The following PIP5K1B variants were observed in gnomAD, a reference collection of about 807,000 sequenced individuals.
The protein encoded by PIP5K1B is phosphatidylinositol 4-phosphate 5-kinase type-1 beta.
Under a neutral mutation model 67.0 loss-of-function variants are expected in PIP5K1B, and 42 were observed. The ratio of observed to expected loss-of-function variants is 0.63; its 90% CI spans 0.49 to 0.81. PIP5K1B has a LOEUF of 0.81. Ranked by LOEUF, PIP5K1B falls within the 30% of genes least tolerant of loss-of-function variation. The pLI is 0.00. For missense variants in PIP5K1B, 459 were observed against 646.3 expected, an observed-to-expected ratio of 0.71 and a Z score of 3.14; for synonymous variants, 214 against 231.4, an observed-to-expected ratio of 0.92 and a Z score of 0.68.
At chr9:68,755,104 A>G (rs1053916517) in intron 2 of PIP5K1B, among the ~76,000 whole-genome samples, 1 of 152,252 alleles carries the variant, frequency 6.6e-6, no homozygotes, top group Non-Finnish European at 1.5e-5. Context: ...AGGAAAGTAG[A>G]TCAAACATTT....
intron 11 of PIP5K1B, among the ~76,000 whole-genome samples, chr9:68,921,403 T>C (rs1046424035): frequency 1.3e-5 from 2 of 152,172 alleles, no homozygotes; most frequent in Admixed American, 6.5e-5. Context: ...TAATGTTTCC[T>C]TCCAGCTGAG....
chr9:68,910,847 T>C (rs918594050), intron 8 of PIP5K1B, among the ~76,000 whole-genome samples: 2 of 152,216 alleles, frequency 1.3e-5, no homozygotes, highest in Non-Finnish European at 2.9e-5. Context: ...CATCAGAGTT[T>C]ACATCTTCAG....
intron 11 of PIP5K1B, among the ~76,000 whole-genome samples, chr9:68,921,386 G>A (rs1826394598): frequency 6.6e-6 from 1 of 152,124 alleles, no homozygotes; most frequent in Admixed American, 6.6e-5. Context: ...AATATGGTAG[G>A]TTAATTTAAT....
At chr9:68,878,227 ACTT>A (rs956129134) in intron 6 of PIP5K1B, among the ~76,000 whole-genome samples, 1 of 152,126 alleles carries the variant, frequency 6.6e-6, no homozygotes, top group African/African-American at 2.4e-5. Flanking sequence ...ATTTCCTTGA[ACTT>A]CTCACCAGCT....
At chr9:68,862,296 G>A (rs75111014) in intron 4 of PIP5K1B, among the ~76,000 whole-genome samples, 16,195 of 152,196 alleles carry the variant, frequency 0.11, 1,128 homozygotes, top group Non-Finnish European at 0.16. Context: ...CACTGCATTC[G>A]TGTTGACAGA....
intron 8 of PIP5K1B, among the ~76,000 whole-genome samples, chr9:68,912,858 T>G (rs17058884): frequency 0.066 from 10,012 of 152,230 alleles, 648 homozygotes; most frequent in East Asian, 0.37. Context: ...CCTTTAGTCA[T>G]GAAGAGAGGA....
intron 15 of PIP5K1B, among the ~76,000 whole-genome samples, chr9:69,007,276 A>G (rs1831125673): frequency 6.6e-6 from 1 of 152,162 alleles, no homozygotes. Flanking sequence ...CTTTTTACTC[A>G]AGTTTTTTCA....
At chr9:68,731,981 C>T (rs952579321) in intron 1 of PIP5K1B, among the ~76,000 whole-genome samples, 1 of 152,068 alleles carries the variant, frequency 6.6e-6, no homozygotes, top group Admixed American at 6.6e-5. Context: ...GAAGTAATGG[C>T]GTTGACTCTC....
intron 14 of PIP5K1B, among the ~76,000 whole-genome samples, chr9:68,978,468 A>C (rs1306563933): frequency 6.6e-6 from 1 of 152,194 alleles, no homozygotes; most frequent in Non-Finnish European, 1.5e-5. Context: ...TTAAGGATGA[A>C]TACTCTTCCT....
At chr9:68,805,037 T>C (rs4745277) in intron 2 of PIP5K1B, among the ~76,000 whole-genome samples, 148,504 of 152,340 alleles carry the variant, frequency 0.97, 72,483 homozygotes, top group East Asian at 1. Flanking sequence ...GCACAGCAGA[T>C]GAAGCATTGC....
chr9:68,903,667 A>G (rs1273980322), intron 8 of PIP5K1B, among the ~76,000 whole-genome samples: 2 of 152,162 alleles, frequency 1.3e-5, no homozygotes, highest in African/African-American at 4.8e-5. Flanking sequence ...GAACACAATA[A>G]TCCATGCAAG....
At chr9:68,754,312 G>A (rs1048291754) in intron 2 of PIP5K1B, among the ~76,000 whole-genome samples, 2 of 151,668 alleles carry the variant, frequency 1.3e-5, no homozygotes, top group Admixed American at 6.6e-5. Flanking sequence ...TGGGACTACA[G>A]GCGCCCGCCA....
intron 2 of PIP5K1B, among the ~76,000 whole-genome samples, chr9:68,778,567 C>T: frequency 6.6e-6 from 1 of 152,228 alleles, no homozygotes; most frequent in Non-Finnish European, 1.5e-5. Flanking sequence ...CTCTGCTTCT[C>T]CCCATTGACA....
intron 2 of PIP5K1B, among the ~76,000 whole-genome samples, chr9:68,776,183 G>A (rs1321879023): frequency 1.3e-5 from 2 of 152,068 alleles, no homozygotes; most frequent in African/African-American, 2.4e-5. Flanking sequence ...TGAGGTATTT[G>A]CCAGCCCATC....
intron 5 of PIP5K1B, among the ~76,000 whole-genome samples, chr9:68,865,745 C>A (rs1823324278): frequency 6.6e-6 from 1 of 152,178 alleles, no homozygotes. Context: ...GCTAGACATG[C>A]AGATTCTTGG....
At chr9:68,986,387 T>G (rs138835877) in intron 14 of PIP5K1B, among the ~76,000 whole-genome samples, 188 of 152,362 alleles carry the variant, frequency 1.2e-3, no homozygotes, top group African/African-American at 4.4e-3. Context: ...CATTCATGTC[T>G]TCTTTGGAGA....
intron 2 of PIP5K1B, among the ~76,000 whole-genome samples, chr9:68,792,514 C>G (rs923931301): frequency 2.6e-5 from 4 of 152,108 alleles, no homozygotes; most frequent in Non-Finnish European, 5.9e-5. Context: ...GAGTCTCGCT[C>G]TGTCGCCCAG....
chr9:68,821,453 AC>A (rs1173499896), intron 3 of PIP5K1B, among the ~76,000 whole-genome samples: 1 of 152,238 alleles, frequency 6.6e-6, no homozygotes, highest in East Asian at 1.9e-4. Flanking sequence ...AATACAAAGA[AC>A]TAAAACTGAT....
intron 15 of PIP5K1B, among the ~76,000 whole-genome samples, chr9:69,007,733 T>C (rs1257892268): frequency 6.6e-6 from 1 of 152,104 alleles, no homozygotes; most frequent in African/African-American, 2.4e-5. Flanking sequence ...GGCAGGCAGC[T>C]GTAGTCCCAG....
Sources: gnomAD v4.1 joint callset for allele counts (sites outside exome capture counted in the v4.1 genomes callset) on GRCh38, gnomAD v4.1.1 for gene constraint, MANE v1.5 for transcripts, NCBI Gene and HGNC (gene_info 2026-07-23, HGNC 2026-07-21) for gene names.